The following C2orf66 variants were observed in gnomAD, a reference collection of about 807,000 sequenced individuals.
The protein encoded by C2orf66 is chromosome 2 open reading frame 66, also known as uncharacterized protein C2orf66.
In C2orf66, 6 loss-of-function variants were observed where a neutral mutation model predicts 7.0. The ratio of observed to expected loss-of-function variants is 0.86; its 90% CI spans 0.47 to 1.69. C2orf66 has a LOEUF of 1.69. Ranked by LOEUF, C2orf66 falls within the 40% of genes most tolerant of loss-of-function variation. The pLI is 0.01. For synonymous variants in C2orf66, 38 were observed against 43.8 expected, an observed-to-expected ratio of 0.87 and a Z score of 0.52; for missense variants, 107 against 112.0, an observed-to-expected ratio of 0.96 and a Z score of 0.20.
chr2:196,807,188 A>G lies in C2orf66; in HGVS notation c.*19+236T>C, dbSNP rs569189080. ...TAAGAGATAATTCTATTATTTTAAT[A>G]TGTCTCTGCCTGGATAACTATGCTT... On this transcript the variant is annotated intron_variant, in intron 2 of 2. Transcript: ENST00000342506. Among the ~76,000 whole-genome samples the G allele has an allele frequency of 3.9e-5, 6 of 152,348 alleles. No homozygotes were observed. In the South Asian group the frequency reaches 1.0e-3, roughly 26 times the overall value.
chr2:196,806,560 A>G (rs1057182289), intron 2 of C2orf66, among the ~76,000 whole-genome samples: 3 of 151,218 alleles, frequency 2.0e-5, no homozygotes, highest in African/African-American at 7.3e-5. Context: ...TAATAAGAGT[A>G]ATGAAATTCG....
At chr2:196,807,346 A>G in intron 2 of C2orf66, 78 bp downstream of exon 2, 2 of 849,820 alleles carry the variant, frequency 2.4e-6, no homozygotes, top group Non-Finnish European at 3.7e-6. Context: ...TATGTTTTCA[A>G]ATAAATACTT....
the C2orf66 span, among the ~76,000 whole-genome samples, chr2:196,819,413 C>G: frequency 1.3e-5 from 2 of 152,232 alleles, no homozygotes; most frequent in South Asian, 4.2e-4. Context: ...CGTAAGGATA[C>G]AGGGAGAAGA....
Position 196,809,140 on chromosome 2 carries a change from A to G in C2orf66, c.123+74T>C. The G allele has an allele frequency of 3.5e-6, 5 of 1,439,446 alleles. No individual in the cohort carries two copies. In the South Asian group the frequency reaches 7.5e-5, roughly 22 times the overall value. 89.2% of individuals were successfully genotyped at this position (1,439,446 alleles called of 1,614,324 possible). The stretch of plus-strand genomic sequence containing the variant: ...CCCCCTTTCCACTACGTTCTGGAAA[A>G]CAGAATGCTGTGTGCGTAAATCCAA... On this transcript the variant is annotated intron_variant, in intron 1 of 2. Transcript: ENST00000342506.
At chr2:196,825,222 C>CA in the C2orf66 span, among the ~76,000 whole-genome samples, 9,851 of 53,272 alleles carry the variant, frequency 0.18, 815 homozygotes, top group Middle Eastern at 0.27. Context: ...GACTCTGTCT[C>CA]AAAAAAAAAA....
chr2:196,820,787 T>C, the C2orf66 span, among the ~76,000 whole-genome samples: 3 of 152,224 alleles, frequency 2.0e-5, no homozygotes, highest in African/African-American at 7.2e-5. Context: ...ATTGAAACCT[T>C]AAATTCTATC....
upstream of C2orf66, among the ~76,000 whole-genome samples, chr2:196,814,103 C>T (rs757500762): frequency 2.3e-4 from 35 of 152,278 alleles, no homozygotes; most frequent in Non-Finnish European, 4.7e-4. Flanking sequence ...AATCATGCTA[C>T]TATAAAGACA....
chr2:196,814,509 T>C, the C2orf66 span, among the ~76,000 whole-genome samples: 40,979 of 151,870 alleles, frequency 0.27, 6,590 homozygotes, highest in African/African-American at 0.45. Context: ...CAACATGGCA[T>C]GCGTATACCT....
At chr2:196,824,946 T>C in the C2orf66 span, among the ~76,000 whole-genome samples, 164 of 151,716 alleles carry the variant, frequency 1.1e-3, no homozygotes, top group East Asian at 0.019. Context: ...AAAACATGGG[T>C]AAAGGGGCTG....
At chr2:196,832,111 C>A in the C2orf66 span, 4 of 151,948 alleles carry the variant, frequency 2.6e-5, no homozygotes, top group South Asian at 8.3e-4. Flanking sequence ...TCCCAGCACT[C>A]TGGGAGGCCG....
At position 196,809,292 on chromosome 2, in the gene C2orf66, C is replaced by T; in HGVS notation, c.45G>A (p.Leu15=). The part of the protein sequence containing the change: ...PLLLLCVALV[L]LGHVNGATVR... ...CTGTGGCTCCATTCACATGCCCAAGCAGCACCAGGGCAACACATAGTAGCA... is the reference window on the plus strand; with the variant it reads ...CTGTGGCTCCATTCACATGCCCAAGTAGCACCAGGGCAACACATAGTAGCA... The change falls in exon 1 of 3, where the codon CTG becomes CTA. Residue 15 remains leucine (L), a synonymous_variant. Transcript: ENST00000342506. 1 of 1,614,096 alleles carries T rather than the reference C, an allele frequency of 6.2e-7. No individual in the cohort carries two copies. Among genetic ancestry groups the T allele is most frequent in the Non-Finnish European group, 8.5e-7 (1 of 1,179,974 alleles).
the C2orf66 span, among the ~76,000 whole-genome samples, chr2:196,827,860 A>G: frequency 6.6e-6 from 1 of 152,210 alleles, no homozygotes; most frequent in Non-Finnish European, 1.5e-5. Context: ...ACAAATATGA[A>G]TACTCAAATG....
At chr2:196,806,364 A>AT (rs1327921926) in intron 2 of C2orf66, among the ~76,000 whole-genome samples, 1 of 151,606 alleles carries the variant, frequency 6.6e-6, no homozygotes, top group Non-Finnish European at 1.5e-5. Context: ...CGCCCATCTG[A>AT]TTTTTTGTAT....
the C2orf66 span, among the ~76,000 whole-genome samples, chr2:196,820,505 T>G: frequency 4.2e-4 from 64 of 152,354 alleles, no homozygotes; most frequent in Non-Finnish European, 8.5e-4. Flanking sequence ...TGGTATTTAT[T>G]GAATACATAC....
the C2orf66 span, among the ~76,000 whole-genome samples, chr2:196,818,504 AAG>A: frequency 6.6e-6 from 1 of 152,194 alleles, no homozygotes; most frequent in Admixed American, 6.5e-5. Context: ...TTGGGCTAGT[AAG>A]AGAGAGCCAG....
rs954882678 is a variant in C2orf66, at chr2:196,804,704, C to T, written c.*724G>A. 6.6e-6 allele frequency among the ~76,000 whole-genome samples: 1 copy of T among 152,208 alleles called. No homozygotes were observed. Among genetic ancestry groups the T allele is most frequent in the Non-Finnish European group, 1.5e-5 (1 of 68,046 alleles). On this transcript the variant is annotated 3_prime_UTR_variant, in exon 3 of 3. Transcript: ENST00000342506. Reference sequence around the variant, plus strand: ...GAGGAAATCACCTGTTTCTACTTTTCCTTCCTGAGGAGGTTGTGTATGAGA... The same window carrying T: ...GAGGAAATCACCTGTTTCTACTTTTTCTTCCTGAGGAGGTTGTGTATGAGA...
chr2:196,825,454 CACACAAGGTT>C, the C2orf66 span, among the ~76,000 whole-genome samples: 1 of 152,168 alleles, frequency 6.6e-6, no homozygotes, highest in East Asian at 1.9e-4. Flanking sequence ...ATTCTCAACA[CACACAAGGTT>C]ACTGGATATT....
the C2orf66 span, among the ~76,000 whole-genome samples, chr2:196,819,461 C>G: frequency 1.8e-4 from 28 of 152,140 alleles, no homozygotes; most frequent in African/African-American, 6.8e-4. Flanking sequence ...TCGCCAGAAC[C>G]CAATCTGTGC....
rs376747088 is a variant in C2orf66, at chr2:196,809,212, A to G, written c.123+2T>C. ...AAACCCAGGCCCCAAGTGTGTTCTT[A>G]CCAGATCTCTGTTTCTGGGGTTGTT... On this transcript the variant is annotated splice_donor_variant, in intron 1 of 2. Transcript: ENST00000342506. LOFTEE classifies it high-confidence loss of function. 3.7e-6 allele frequency: 6 copies of G among 1,613,632 alleles called. No homozygotes were observed. The highest frequency in any genetic ancestry group is 1.3e-5 in the African/African-American group (1 of 74,914).
Sources: gnomAD v4.1 joint callset for allele counts (sites outside exome capture counted in the v4.1 genomes callset) on GRCh38, gnomAD v4.1.1 for gene constraint, MANE v1.5 for transcripts, NCBI Gene and HGNC (gene_info 2026-07-23, HGNC 2026-07-21) for gene names.